Variants in CNTNAP5 observed in about 807,000 individuals in gnomAD.
CNTNAP5 encodes the protein contactin-associated protein-like 5.
A neutral mutation model predicts 150.2 loss-of-function variants in CNTNAP5; 72 were observed. That is an observed-to-expected ratio of 0.48 (90% CI 0.40 to 0.58). The LOEUF is 0.58. Ranked by LOEUF, CNTNAP5 falls within the 20% of genes least tolerant of loss-of-function variation. CNTNAP5 has a pLI of 0.00. For synonymous variants in CNTNAP5, 672 were observed against 619.8 expected, an observed-to-expected ratio of 1.08 and a Z score of -1.25; for missense variants, 1,636 against 1,626.2, an observed-to-expected ratio of 1.01 and a Z score of -0.10.
chr2:124,357,495 GA>G (rs1690048345), intron 3 of CNTNAP5, among the ~76,000 whole-genome samples: 1 of 152,036 alleles, frequency 6.6e-6, no homozygotes, highest in Admixed American at 6.6e-5. Context: ...AAGGTGTACG[GA>G]AGGGATCCAG....
intron 5 of CNTNAP5, among the ~76,000 whole-genome samples, chr2:124,437,360 G>A (rs1038302513): frequency 3.3e-5 from 5 of 152,052 alleles, no homozygotes; most frequent in Admixed American, 6.6e-5. Flanking sequence ...GATCCTCAAG[G>A]AAGACCTATG....
intron 1 of CNTNAP5, among the ~76,000 whole-genome samples, chr2:124,139,532 AAG>A (rs1684056225): frequency 6.6e-6 from 1 of 152,148 alleles, no homozygotes; most frequent in Non-Finnish European, 1.5e-5. Flanking sequence ...GAGGAGGAAC[AAG>A]AGAGTCTCGG....
intron 3 of CNTNAP5, among the ~76,000 whole-genome samples, chr2:124,395,663 G>A (rs558061825): frequency 6.6e-6 from 1 of 152,174 alleles, no homozygotes; most frequent in East Asian, 1.9e-4. Flanking sequence ...TGCTAGAACT[G>A]TTCTAAGCAA....
intron 2 of CNTNAP5, among the ~76,000 whole-genome samples, chr2:124,234,983 G>A (rs987972273): frequency 6.6e-6 from 1 of 152,138 alleles, no homozygotes; most frequent in Non-Finnish European, 1.5e-5. Flanking sequence ...GCTGAGCAGA[G>A]ACAGGACTTT....
At chr2:124,613,853 G>A (rs948932281) in intron 12 of CNTNAP5, among the ~76,000 whole-genome samples, 54 of 152,322 alleles carry the variant, frequency 3.5e-4, no homozygotes, top group African/African-American at 1.3e-3. Context: ...AGATGATTAA[G>A]CTTACTGATA....
intron 1 of CNTNAP5, among the ~76,000 whole-genome samples, chr2:124,086,012 G>A (rs952206013): frequency 1.3e-5 from 2 of 152,068 alleles, no homozygotes; most frequent in Non-Finnish European, 2.9e-5. Context: ...GAGTTCTTCT[G>A]TAAACTTGCT....
At chr2:124,805,541 G>A (rs1243046704) in intron 19 of CNTNAP5, among the ~76,000 whole-genome samples, 1 of 152,098 alleles carries the variant, frequency 6.6e-6, no homozygotes, top group African/African-American at 2.4e-5. Flanking sequence ...AGAGACAATA[G>A]CAGCTTCTAA....
At chr2:124,819,932 T>C (rs1236289948) in intron 19 of CNTNAP5, among the ~76,000 whole-genome samples, 1 of 152,212 alleles carries the variant, frequency 6.6e-6, no homozygotes, top group East Asian at 1.9e-4. Context: ...TCTGCCTTAC[T>C]TCCTGTTGCA....
intron 10 of CNTNAP5, among the ~76,000 whole-genome samples, chr2:124,539,343 G>A (rs1471615604): frequency 1.3e-5 from 2 of 152,156 alleles, no homozygotes; most frequent in Admixed American, 6.6e-5. Context: ...TGTATCATAG[G>A]CATGGGCAGC....
Position 124,482,829 on chromosome 2 carries a change from C to G in CNTNAP5, c.1062+7947C>G, listed in dbSNP as rs529007269. On this transcript the variant is annotated intron_variant, in intron 7 of 23. Coordinates refer to ENST00000682447, the MANE Select transcript of CNTNAP5 (RefSeq NM_001367498.1). Reference sequence around the variant, plus strand: ...AGGCGAATGCTGCAAAGGGTCAAAGCGCTTCCCCAGAAACTCAGCCCTTTG... The same window carrying G: ...AGGCGAATGCTGCAAAGGGTCAAAGGGCTTCCCCAGAAACTCAGCCCTTTG... Among the ~76,000 whole-genome samples, 3 of 152,286 alleles carry G rather than the reference C, an allele frequency of 2.0e-5. No individual in the cohort carries two copies. In the East Asian group the frequency reaches 5.8e-4, roughly 29 times the overall value.
At chr2:124,885,561 A>ACACACACG (rs1241937258) in intron 21 of CNTNAP5, among the ~76,000 whole-genome samples, 1 of 146,568 alleles carries the variant, frequency 6.8e-6, no homozygotes, top group Non-Finnish European at 1.5e-5. Flanking sequence ...ACACACACAC[A>ACACACACG]CACACACACA....
intron 13 of CNTNAP5, among the ~76,000 whole-genome samples, chr2:124,668,462 T>A (rs1490318344): frequency 6.6e-6 from 1 of 152,188 alleles, no homozygotes; most frequent in Non-Finnish European, 1.5e-5. Context: ...TAAATTGCCC[T>A]GGAAACTGTG....
chr2:124,048,335 T>C (rs1178942908), intron 1 of CNTNAP5, among the ~76,000 whole-genome samples: 1 of 152,210 alleles, frequency 6.6e-6, no homozygotes, highest in African/African-American at 2.4e-5. Context: ...TGAGTTCTTT[T>C]CTTCCTCGTA....
chr2:124,445,350 G>A (rs1209406287), intron 5 of CNTNAP5, among the ~76,000 whole-genome samples: 1 of 151,844 alleles, frequency 6.6e-6, no homozygotes, highest in East Asian at 1.9e-4. Context: ...CGCCTGCCTC[G>A]GCCTCCCAAA....
rs553671911 is a variant in CNTNAP5, at chr2:124,126,466, A to G, written c.83-95239A>G. On this transcript the variant is annotated intron_variant, in intron 1 of 23. Coordinates refer to ENST00000682447, the MANE Select transcript of CNTNAP5 (RefSeq NM_001367498.1). ...CAGGACCTGATGGAGTCACAGCCAA[A>G]TTCTACCAGAGGTACAAAGAGGAGC... is the stretch of plus-strand genomic sequence containing the variant. Among the ~76,000 whole-genome samples, 3 of 152,262 alleles carry G rather than the reference A, an allele frequency of 2.0e-5. No homozygotes were observed. In the East Asian group the frequency reaches 5.8e-4, roughly 29 times the overall value.
chr2:124,392,198 G>T (rs1470867777), intron 3 of CNTNAP5, among the ~76,000 whole-genome samples: 1 of 152,120 alleles, frequency 6.6e-6, no homozygotes, highest in Non-Finnish European at 1.5e-5. Context: ...TATACACCAA[G>T]ATTGCTTACT....
intron 1 of CNTNAP5, among the ~76,000 whole-genome samples, chr2:124,053,033 C>A (rs976148179): frequency 7.0e-6 from 1 of 143,636 alleles, no homozygotes; most frequent in Admixed American, 7.1e-5. Flanking sequence ...TGGGCCCATA[C>A]CTTCCTCTGC....
chr2:124,745,657 A>T (rs966474376), intron 13 of CNTNAP5, among the ~76,000 whole-genome samples: 1 of 152,356 alleles, frequency 6.6e-6, no homozygotes, highest in East Asian at 1.9e-4. Context: ...ATTCTTTAAA[A>T]GAACACACTG....
At chr2:124,324,648 T>C (rs192427487) in intron 3 of CNTNAP5, among the ~76,000 whole-genome samples, 28 of 152,248 alleles carry the variant, frequency 1.8e-4, no homozygotes, top group African/African-American at 6.3e-4. Flanking sequence ...TTTGATAGCC[T>C]TGTAAACTGA....
Sources: gnomAD v4.1 joint callset for allele counts (sites outside exome capture counted in the v4.1 genomes callset) on GRCh38, gnomAD v4.1.1 for gene constraint, MANE v1.5 for transcripts, NCBI Gene and HGNC (gene_info 2026-07-23, HGNC 2026-07-21) for gene names.